TMEM232: variants seen among roughly 807,000 people sequenced by gnomAD.
TMEM232 encodes the protein transmembrane protein 232.
Under a neutral mutation model 78.8 loss-of-function variants are expected in TMEM232, and 80 were observed. The ratio of observed to expected loss-of-function variants is 1.01; its 90% CI spans 0.85 to 1.22. The LOEUF is 1.22. Among genes scored for constraint, TMEM232 ranks in the 50% most tolerant of loss-of-function variants. The pLI is 0.00. For synonymous variants in TMEM232, 297 were observed against 254.3 expected, an observed-to-expected ratio of 1.17 and a Z score of -1.60; for missense variants, 881 against 742.2, an observed-to-expected ratio of 1.19 and a Z score of -2.17.
At chr5:110,718,558 A>T (rs1272225648) in intron 1 of TMEM232, among the ~76,000 whole-genome samples, 1 of 152,094 alleles carries the variant, frequency 6.6e-6, no homozygotes, top group East Asian at 1.9e-4. Flanking sequence ...TTTTCCTATG[A>T]AACGTCTGAG....
intron 7 of TMEM232, 62 bp from the exon 8 acceptor site, chr5:110,618,624 G>A: frequency 2.1e-6 from 3 of 1,417,354 alleles, no homozygotes; most frequent in Non-Finnish European, 2.8e-6. Flanking sequence ...AGAGTACTCT[G>A]ACTTGAACAA....
chr5:110,638,239 G>C lies in TMEM232; in HGVS notation c.460C>G (p.Leu154Val). The C allele has an allele frequency of 1.3e-6, 2 of 1,548,922 alleles. No homozygotes were observed. Among genetic ancestry groups the C allele is most frequent in the Non-Finnish European group, 1.7e-6 (2 of 1,145,898 alleles). ...VLYRLCCDAS[L>V]KTYLYSVEIK... ...TCAACTGAATATAAATATGTTTTGA[G>C]GGATGCATCACAACACAGTCTGTAT... The change falls in exon 5 of 14, where the codon CTC (leucine) becomes GTC (valine). Residue 154 changes from leucine (L) to valine (V), a missense_variant. Coordinates refer to ENST00000455884, the MANE Select transcript of TMEM232 (RefSeq NM_001039763.4).
chr5:110,442,177 C>T (rs111876338), intron 12 of TMEM232, among the ~76,000 whole-genome samples: 1 of 152,066 alleles, frequency 6.6e-6, no homozygotes, highest in East Asian at 1.9e-4. Context: ...TTGGGAAGTT[C>T]TATGATATAT....
chr5:110,648,131 C>A (rs1787774383), intron 2 of TMEM232, among the ~76,000 whole-genome samples: 1 of 151,796 alleles, frequency 6.6e-6, no homozygotes, highest in African/African-American at 2.4e-5. Flanking sequence ...AGGAAGAAAT[C>A]CAAGTGGCCA....
chr5:110,403,377 A>G (rs965941431), intron 2 of TMEM232, among the ~76,000 whole-genome samples: 24 of 152,070 alleles, frequency 1.6e-4, no homozygotes, highest in Middle Eastern at 3.2e-3. Flanking sequence ...GTGGTGCCTC[A>G]GGATAGAACA....
At chr5:110,560,308 A>G (rs1775593632) in intron 11 of TMEM232, among the ~76,000 whole-genome samples, 1 of 152,194 alleles carries the variant, frequency 6.6e-6, no homozygotes, top group African/African-American at 2.4e-5. Flanking sequence ...AGCCATTTGA[A>G]TATCAGCCAT....
At chr5:110,571,897 T>G (rs562506801) in intron 10 of TMEM232, among the ~76,000 whole-genome samples, 3 of 151,952 alleles carry the variant, frequency 2.0e-5, no homozygotes, top group Non-Finnish European at 2.9e-5. Context: ...GGGAGTAACG[T>G]TATGTCTGCT....
chr5:110,451,360 G>A (rs927268623), intron 12 of TMEM232, among the ~76,000 whole-genome samples: 1 of 152,006 alleles, frequency 6.6e-6, no homozygotes, highest in African/African-American at 2.4e-5. Flanking sequence ...CCTTTTAGAT[G>A]TTGCTGTTTT....
chr5:110,694,796 A>G (rs1794570168), intron 1 of TMEM232, among the ~76,000 whole-genome samples: 1 of 152,210 alleles, frequency 6.6e-6, no homozygotes, highest in East Asian at 1.9e-4. Flanking sequence ...ACCAAGATTC[A>G]TAAAGCAAGT....
chr5:110,622,879 T>C (rs1412243740), intron 7 of TMEM232, among the ~76,000 whole-genome samples: 1 of 151,162 alleles, frequency 6.6e-6, no homozygotes, highest in Non-Finnish European at 1.5e-5. Context: ...CATTGGGAGA[T>C]ATACCTAATG....
intron 1 of TMEM232, among the ~76,000 whole-genome samples, chr5:110,711,780 CA>C (rs1050384343): frequency 2.6e-5 from 4 of 152,080 alleles, no homozygotes; most frequent in African/African-American, 9.7e-5. Flanking sequence ...ATACAAAAGT[CA>C]AACCAAAATG....
chr5:110,550,389 C>T (rs13360228), intron 11 of TMEM232, among the ~76,000 whole-genome samples: 6,754 of 152,092 alleles, frequency 0.044, 530 homozygotes, highest in African/African-American at 0.15. Flanking sequence ...CCAGCATCAT[C>T]ATTCAGTCCT....
chr5:110,446,623 T>C (rs906206330), intron 12 of TMEM232, among the ~76,000 whole-genome samples: 3 of 152,164 alleles, frequency 2.0e-5, no homozygotes, highest in African/African-American at 7.2e-5. Flanking sequence ...GACTTTAGGC[T>C]TCAGTCTAAA....
At chr5:110,557,166 G>A (rs181056342) in intron 11 of TMEM232, among the ~76,000 whole-genome samples, 1 of 152,164 alleles carries the variant, frequency 6.6e-6, no homozygotes, top group African/African-American at 2.4e-5. Context: ...CTGTTTTGCT[G>A]TTAATATTTC....
At chr5:110,533,194 G>A (rs1483307663) in intron 11 of TMEM232, among the ~76,000 whole-genome samples, 2 of 152,154 alleles carry the variant, frequency 1.3e-5, no homozygotes, top group Non-Finnish European at 2.9e-5. Flanking sequence ...TACCTAGGCT[G>A]TACTGCCGCA....
intron 1 of TMEM232, among the ~76,000 whole-genome samples, chr5:110,692,213 C>G (rs955989648): frequency 6.6e-6 from 1 of 152,214 alleles, no homozygotes; most frequent in African/African-American, 2.4e-5. Flanking sequence ...AGCCACGACG[C>G]CCGGCCACAT....
chr5:110,422,816 C>T (rs1026051847), intron 13 of TMEM232, among the ~76,000 whole-genome samples: 1 of 152,028 alleles, frequency 6.6e-6, no homozygotes, highest in Admixed American at 6.6e-5. Flanking sequence ...ACCATGACAA[C>T]AGATCAATTT....
intron 7 of TMEM232, among the ~76,000 whole-genome samples, chr5:110,620,831 T>C (rs891156886): frequency 1.3e-5 from 2 of 150,434 alleles, no homozygotes; most frequent in African/African-American, 4.9e-5. Context: ...TATTAGTTAG[T>C]CTCAGGAATT....
At position 110,625,284 on chromosome 5, in the gene TMEM232, T is replaced by C. The variant is rs749753580; in HGVS notation, c.751A>G (p.Asn251Asp). ...TTACTCACCATATCAGAATCTGTGT[T>C]CTCATATCTTTTCTTATCTTCCACA... The part of the protein sequence containing the change: ...RPVEDKKRYE[N>D]TDSDMGGYEI... The change falls in exon 7 of 14, where the codon AAC becomes GAC. Residue 251 changes from asparagine to aspartate, a missense_variant. Transcript: ENST00000455884. The C allele has an allele frequency of 7.8e-6, 12 of 1,539,942 alleles. No individual in the cohort carries two copies. In the South Asian group the frequency reaches 1.3e-4, roughly 17 times the overall value.
Sources: gnomAD v4.1 joint callset for allele counts (sites outside exome capture counted in the v4.1 genomes callset) on GRCh38, gnomAD v4.1.1 for gene constraint, MANE v1.5 for transcripts, NCBI Gene and HGNC (gene_info 2026-07-23, HGNC 2026-07-21) for gene names.